Variants in LMBR1 observed in about 807,000 individuals in gnomAD.
LMBR1 encodes the protein limb development membrane protein 1.
LMBR1 carries 52 observed loss-of-function variants against 73.9 expected under a neutral mutation model. That is an observed-to-expected ratio of 0.70 (90% CI 0.56 to 0.89). The LOEUF is 0.89. Ranked by LOEUF, LMBR1 falls within the 40% of genes least tolerant of loss-of-function variation. The probability of loss-of-function intolerance (pLI) is 0.00; values close to 1 mark genes in which losing one functional copy is unlikely to be tolerated. For missense variants in LMBR1, 539 were observed against 579.8 expected (o/e 0.93, Z 0.72); for synonymous variants, 215 against 209.4 (o/e 1.03, Z -0.23).
intron 15 of LMBR1, among the ~76,000 whole-genome samples, chr7:156,700,505 G>A (rs1413199897): frequency 1.3e-5 from 2 of 151,982 alleles, no homozygotes; most frequent in African/African-American, 4.8e-5. Flanking sequence ...TAACAAACCT[G>A]CACGTTGTGC....
chr7:156,681,241 T>C lies in LMBR1; in HGVS notation c.*2837A>G, dbSNP rs1388297510. 6.9e-6 allele frequency: 3 copies of C among 437,906 alleles called. No individual in the cohort carries two copies. The highest frequency in any genetic ancestry group is 1.3e-5 in the Non-Finnish European group (3 of 222,470). The allele number at this position is 437,906 out of a possible 1,614,324, so 27.1% of individuals were successfully genotyped here. A position where few individuals can be genotyped will look rare whatever the true frequency, so the allele number is the denominator to read the frequency against. On this transcript the variant is annotated 3_prime_UTR_variant, in exon 17 of 17. Transcript: ENST00000353442. The stretch of plus-strand genomic sequence containing the variant: ...GGGAGGGCCATGGGCACCCAGCAGA[T>C]GGGGAGGCCGCACTGCCGCTGAGAG...
At chr7:156,755,037 A>G (rs1292571678) in intron 9 of LMBR1, among the ~76,000 whole-genome samples, 1 of 152,232 alleles carries the variant, frequency 6.6e-6, no homozygotes, top group Admixed American at 6.5e-5. Flanking sequence ...TAAACAGTGC[A>G]TGGCCTACCA....
At chr7:156,751,484 A>G (rs1377155906) in intron 9 of LMBR1, among the ~76,000 whole-genome samples, 1 of 152,218 alleles carries the variant, frequency 6.6e-6, no homozygotes, top group Non-Finnish European at 1.5e-5. Flanking sequence ...CCAGACTGAA[A>G]CAGAAACCAT....
At chr7:156,844,729 G>A (rs906832562) in intron 1 of LMBR1, among the ~76,000 whole-genome samples, 1 of 152,020 alleles carries the variant, frequency 6.6e-6, no homozygotes, top group Non-Finnish European at 1.5e-5. Context: ...AGAGCTCACA[G>A]CAAAATACCC....
chr7:156,873,008 T>C (rs537938085), intron 1 of LMBR1, among the ~76,000 whole-genome samples: 152 of 152,058 alleles, frequency 1.0e-3, no homozygotes, highest in African/African-American at 3.6e-3. Context: ...GTGTTACAGC[T>C]CTTAAGGTGG....
chr7:156,680,264 T>C lies in LMBR1; in HGVS notation c.*3814A>G, dbSNP rs1169946654. On this transcript the variant is annotated 3_prime_UTR_variant, in exon 17 of 17. Transcript: ENST00000353442. ...TCTATTAGGAGGCCACAAAGTAACT[T>C]AGTGTCTGTGTCTAGTATTTTTAAA... 1.3e-5 allele frequency: 2 copies of C among 152,122 alleles called. No homozygotes were observed. Among genetic ancestry groups the C allele is most frequent in the East Asian group, 1.9e-4 (1 of 5,202 alleles). The allele number at this position is 152,122 out of a possible 1,614,324, so 9.4% of individuals were successfully genotyped here. A position where few individuals can be genotyped will look rare whatever the true frequency, so the allele number is the denominator to read the frequency against.
chr7:156,862,531 A>G (rs2134206932), intron 1 of LMBR1, among the ~76,000 whole-genome samples: 1 of 152,306 alleles, frequency 6.6e-6, no homozygotes, highest in Admixed American at 6.5e-5. Flanking sequence ...TGGGTTTGGC[A>G]ATGACTATTT....
Position 156,826,729 on chromosome 7 carries a change from CG to C in LMBR1, c.194del (p.Thr65SerfsTer36). The C allele has an allele frequency of 6.2e-7, 1 of 1,609,162 alleles. No homozygotes were observed. ...IVNRISLFLS[T>X]FTLAVSAGAV... Reference sequence around the variant, plus strand: ...CCCCAGCTGACACTGCGAGAGTGAACGTGCTCAAAAACAACCTGGAAGAAAG... The same window carrying C: ...CCCCAGCTGACACTGCGAGAGTGAACTGCTCAAAAACAACCTGGAAGAAAG... On this transcript the variant is annotated frameshift_variant, in exon 4 of 17. Transcript: ENST00000353442. LOFTEE classifies it high-confidence loss of function.
intron 15 of LMBR1, among the ~76,000 whole-genome samples, chr7:156,715,399 G>A (rs756134073): frequency 1.4e-4 from 22 of 152,070 alleles, no homozygotes; most frequent in East Asian, 9.6e-4. Context: ...AAATGGAATC[G>A]TACAATATAA....
intron 15 of LMBR1, among the ~76,000 whole-genome samples, chr7:156,723,090 T>TA (rs1352622977): frequency 2.0e-5 from 3 of 152,078 alleles, no homozygotes; most frequent in African/African-American, 7.2e-5. Flanking sequence ...ACAAAAGAAA[T>TA]AAGACTATTA....
At chr7:156,755,242 G>T (rs539514845) in intron 9 of LMBR1, among the ~76,000 whole-genome samples, 1 of 152,116 alleles carries the variant, frequency 6.6e-6, no homozygotes, top group Admixed American at 6.5e-5. Context: ...CATATAATCA[G>T]CCACTTTTAA....
At chr7:156,733,263 G>A (rs1318377522) in intron 10 of LMBR1, among the ~76,000 whole-genome samples, 2 of 152,068 alleles carry the variant, frequency 1.3e-5, no homozygotes, top group Non-Finnish European at 1.5e-5. Flanking sequence ...AAGTTTCCAG[G>A]CATGCAAAGA....
At chr7:156,877,648 C>G (rs1478427594) in intron 1 of LMBR1, among the ~76,000 whole-genome samples, 1 of 152,080 alleles carries the variant, frequency 6.6e-6, no homozygotes, top group Non-Finnish European at 1.5e-5. Context: ...CGTTGGGAGG[C>G]CGAGGTGGGC....
intron 5 of LMBR1, among the ~76,000 whole-genome samples, chr7:156,782,701 T>C (rs1330275272): frequency 6.6e-6 from 1 of 152,170 alleles, no homozygotes; most frequent in African/African-American, 2.4e-5. Context: ...CACGCCACCA[T>C]GCCCAGCTAA....
rs1362229459 is a variant in LMBR1, at chr7:156,820,586, G to C, written c.319+6019C>G. On this transcript the variant is annotated intron_variant, in intron 4 of 16. Coordinates refer to ENST00000353442, the MANE Select transcript of LMBR1 (RefSeq NM_022458.4). ...CCTTCTATCTCAGTGAAATTTCTAG[G>C]GGTCCAGTGTTGTAGGGTATATGGA... Among the ~76,000 whole-genome samples, 3 of 152,150 alleles carry C rather than the reference G, an allele frequency of 2.0e-5. No individual in the cohort carries two copies. The South Asian group carries it at 6.2e-4, about 31-fold the overall frequency.
At chr7:156,892,172 C>T (rs1158777320) in intron 1 of LMBR1, among the ~76,000 whole-genome samples, 3 of 152,256 alleles carry the variant, frequency 2.0e-5, no homozygotes, top group Admixed American at 2.0e-4. Flanking sequence ...AAAGAAGCTG[C>T]TTCCCTAAGA....
Position 156,744,772 on chromosome 7 carries a change from C to A in LMBR1, c.758-10515G>T, listed in dbSNP as rs1292081802. On this transcript the variant is annotated intron_variant, in intron 9 of 16. Transcript: ENST00000353442. ...AAAACAACATAAATTTATTGTCTTACAGCTCTGGAAGTGAGAAGTCCTAAA... is the reference window on the plus strand; with the variant it reads ...AAAACAACATAAATTTATTGTCTTAAAGCTCTGGAAGTGAGAAGTCCTAAA... Among the ~76,000 whole-genome samples, 3 of 152,288 alleles carry A rather than the reference C, an allele frequency of 2.0e-5. No individual in the cohort carries two copies. In the East Asian group the frequency reaches 5.8e-4, roughly 29 times the overall value.
At chr7:156,881,418 C>T (rs1015617407) in intron 1 of LMBR1, among the ~76,000 whole-genome samples, 11 of 152,132 alleles carry the variant, frequency 7.2e-5, no homozygotes, top group African/African-American at 1.2e-4. Flanking sequence ...TTCACAACAC[C>T]GGCCTTGGCA....
chr7:156,676,568 AGAG>A (rs1158472912), downstream of LMBR1: 3 of 1,614,234 alleles, frequency 1.9e-6, no homozygotes, highest in Non-Finnish European at 2.5e-6. Flanking sequence ...TGCTGGCACT[AGAG>A]GAGTTCTCCG....
Sources: allele counts gnomAD v4.1 joint callset (sites outside exome capture counted in the v4.1 genomes callset), GRCh38; gene constraint gnomAD v4.1.1; transcripts MANE v1.5; gene names NCBI Gene and HGNC (gene_info 2026-07-23, HGNC 2026-07-21).